Variants in LRRC69 observed in about 807,000 individuals in gnomAD.
LRRC69 encodes the protein leucine rich repeat containing 69, also known as leucine-rich repeat-containing protein 69.
Under a neutral mutation model 37.8 loss-of-function variants are expected in LRRC69, and 42 were observed. The observed-to-expected ratio is 1.11, with a 90% confidence interval of 0.87 to 1.44. LRRC69 has a LOEUF of 1.44. LRRC69 is among the 40% of genes most tolerant of loss of function. The pLI is 0.00. For missense variants in LRRC69, 357 were observed against 401.9 expected (o/e 0.89, Z 0.96); for synonymous variants, 141 against 143.1 (o/e 0.99, Z 0.11).
intron 1 of LRRC69, among the ~76,000 whole-genome samples, chr8:91,119,615 T>C (rs947361664): frequency 5.9e-5 from 9 of 152,046 alleles, no homozygotes; most frequent in African/African-American, 2.2e-4. Flanking sequence ...GGGAGCTAAC[T>C]TGGATGAGAT....
intron 1 of LRRC69, among the ~76,000 whole-genome samples, chr8:91,110,775 G>A (rs1307832112): frequency 6.6e-6 from 1 of 152,000 alleles, no homozygotes; most frequent in Non-Finnish European, 1.5e-5. Context: ...ATTAAGAGAG[G>A]CTGTCTGGTC....
intron 5 of LRRC69, among the ~76,000 whole-genome samples, chr8:91,166,666 C>T (rs1809036887): frequency 1.3e-5 from 2 of 151,632 alleles, no homozygotes; most frequent in Admixed American, 1.3e-4. Context: ...TAAATATTAG[C>T]GTGGAAAAGG....
chr8:91,134,013 T>C (rs1315348135), intron 4 of LRRC69, among the ~76,000 whole-genome samples: 1 of 151,718 alleles, frequency 6.6e-6, no homozygotes, highest in Non-Finnish European at 1.5e-5. Context: ...CATTTTGGCT[T>C]TGGAATATGT....
chr8:91,135,671 C>A (rs1030342405), exon 5 of LRRC69: 4 of 1,460,410 alleles, frequency 2.7e-6, no homozygotes, highest in Middle Eastern at 1.7e-4. Flanking sequence ...GACACAGGAA[C>A]TTTGTGATCT....
chr8:91,213,955 C>G (rs1809986908), intron 7 of LRRC69, among the ~76,000 whole-genome samples: 1 of 152,040 alleles, frequency 6.6e-6, no homozygotes, highest in South Asian at 2.1e-4. Context: ...GGGGTTTGAA[C>G]TTGATCTTGT....
chr8:91,195,307 A>G (rs2130619448), intron 6 of LRRC69, among the ~76,000 whole-genome samples: 1 of 151,670 alleles, frequency 6.6e-6, no homozygotes, highest in South Asian at 2.1e-4. Flanking sequence ...GTGCTGAAAA[A>G]AATGTATATT....
At chr8:91,145,289 C>T (rs1808598341) in intron 5 of LRRC69, among the ~76,000 whole-genome samples, 2 of 151,962 alleles carry the variant, frequency 1.3e-5, no homozygotes, top group South Asian at 2.1e-4. Flanking sequence ...CAAGAACATC[C>T]CTGAATATCT....
rs1809981423 is a variant in LRRC69, at chr8:91,213,772, G to A, written c.934-5118G>A. ...AATAGGTGGAATTCAGATACATGGAGAAGAAAGTAAACAGAATGTTTTAGG... is the reference window on the plus strand; with the variant it reads ...AATAGGTGGAATTCAGATACATGGAAAAGAAAGTAAACAGAATGTTTTAGG... On this transcript the variant is annotated intron_variant, in intron 7 of 7. Coordinates refer to ENST00000448384, the Ensembl canonical transcript of LRRC69. Among the ~76,000 whole-genome samples the A allele has an allele frequency of 4.6e-5, 7 of 152,274 alleles. No homozygotes were observed. The South Asian group carries it at 1.5e-3, about 32-fold the overall frequency.
intron 5 of LRRC69, among the ~76,000 whole-genome samples, chr8:91,176,135 T>TATATATATATATA (rs1554594558): frequency 1.2e-4 from 1 of 8,650 alleles, no homozygotes; most frequent in African/African-American, 3.4e-4. Context: ...TATATATATA[T>TATATATATATATA]TTTTTTTTTT....
At chr8:91,175,309 G>C (rs1232258948) in intron 5 of LRRC69, among the ~76,000 whole-genome samples, 3 of 152,056 alleles carry the variant, frequency 2.0e-5, no homozygotes, top group Admixed American at 6.6e-5. Context: ...CATCATACCT[G>C]TTACACTTAA....
chr8:91,197,305 G>GC (rs1039740772), intron 6 of LRRC69, among the ~76,000 whole-genome samples: 22 of 152,282 alleles, frequency 1.4e-4, no homozygotes, highest in African/African-American at 5.1e-4. Context: ...GTTTGTCTGT[G>GC]CCCTGCCCCC....
intron 5 of LRRC69, among the ~76,000 whole-genome samples, chr8:91,177,590 G>A (rs1473560031): frequency 6.6e-6 from 1 of 152,046 alleles, no homozygotes; most frequent in South Asian, 2.1e-4. Context: ...AATGAACACT[G>A]TTCTGAAACA....
Position 91,102,837 on chromosome 8 carries a change from TG to T in LRRC69, c.177del (p.Thr60ProfsTer3). 1.3e-6 allele frequency: 2 copies of T among 1,543,146 alleles called. No homozygotes were observed. Among genetic ancestry groups the T allele is most frequent in the Non-Finnish European group, 1.7e-6 (2 of 1,143,818 alleles). Reference sequence around the variant, plus strand: ...AAAGTGTGTCCAGAGTTATGCAACTTGACCCAGGTGAGGAACAGTGTTTTGC... The same window carrying T: ...AAAGTGTGTCCAGAGTTATGCAACTTACCCAGGTGAGGAACAGTGTTTTGC... On this transcript the variant is annotated frameshift_variant, in exon 1 of 8. Transcript: ENST00000448384. LOFTEE classifies it high-confidence loss of function.
At chr8:91,176,629 T>C (rs1473977879) in intron 5 of LRRC69, among the ~76,000 whole-genome samples, 1 of 152,154 alleles carries the variant, frequency 6.6e-6, no homozygotes, top group East Asian at 1.9e-4. Flanking sequence ...GTGGTATCCT[T>C]CCAGTTCAAT....
At chr8:91,161,446 A>G (rs1329592888) in intron 5 of LRRC69, among the ~76,000 whole-genome samples, 1 of 150,914 alleles carries the variant, frequency 6.6e-6, no homozygotes, top group Non-Finnish European at 1.5e-5. Flanking sequence ...TTATTTTGGG[A>G]GACTTATTAC....
chr8:91,134,438 A>C (rs970030623), intron 4 of LRRC69, among the ~76,000 whole-genome samples: 4 of 151,726 alleles, frequency 2.6e-5, no homozygotes, highest in African/African-American at 9.7e-5. Flanking sequence ...TCTGAGGTCC[A>C]AGGGCAGAAG....
At chr8:91,200,859 C>A in intron 7 of LRRC69, 67 bp downstream of exon 7, 1 of 1,348,758 alleles carries the variant, frequency 7.4e-7, no homozygotes, top group South Asian at 1.6e-5. Flanking sequence ...TTATCTAAAT[C>A]AGTTAATACT....
intron 5 of LRRC69, among the ~76,000 whole-genome samples, chr8:91,150,897 T>C (rs1430722705): frequency 6.6e-6 from 1 of 152,036 alleles, no homozygotes; most frequent in Non-Finnish European, 1.5e-5. Flanking sequence ...TATTCTCTGA[T>C]GGTAGTTTGT....
At chr8:91,133,424 T>G in intron 4 of LRRC69, 119 bp downstream of exon 4, 1 of 669,496 alleles carries the variant, frequency 1.5e-6, no homozygotes, top group Non-Finnish European at 2.3e-6. Context: ...TTCTCTCAGA[T>G]TAAATGTAGT....
Sources: allele counts gnomAD v4.1 joint callset (sites outside exome capture counted in the v4.1 genomes callset), GRCh38; gene constraint gnomAD v4.1.1; transcripts MANE v1.5; gene names NCBI Gene and HGNC (gene_info 2026-07-23, HGNC 2026-07-21).